The following ILRUN variants were observed in gnomAD, a reference collection of about 807,000 sequenced individuals.
The protein encoded by ILRUN is protein ILRUN.
In ILRUN, 3 loss-of-function variants were observed where a neutral mutation model predicts 33.8. That is an observed-to-expected ratio of 0.09 (90% CI 0.04 to 0.23). The LOEUF is 0.23. ILRUN is among the 10% of genes least tolerant of loss of function. The pLI, the probability that ILRUN is intolerant of heterozygous loss-of-function variation, is 1.00. For missense variants in ILRUN, 210 were observed against 375.1 expected, an observed-to-expected ratio of 0.56 and a Z score of 3.64; for synonymous variants, 124 against 138.9, an observed-to-expected ratio of 0.89 and a Z score of 0.75.
intron 1 of ILRUN, chr6:34,672,077 A>G (rs1763128398): frequency 6.6e-6 from 1 of 151,596 alleles, no homozygotes; most frequent in Non-Finnish European, 1.5e-5. Context: ...GTTACACCCT[A>G]TAGTCATAGT....
At chr6:34,688,945 A>G (rs2814949) in intron 1 of ILRUN, among the ~76,000 whole-genome samples, 70,362 of 151,910 alleles carry the variant, frequency 0.46, 18,113 homozygotes, top group African/African-American at 0.7. Flanking sequence ...TGGGCAACAA[A>G]AGTGAAACTC....
rs186889701 is a variant in ILRUN at position 34,674,617 on chromosome 6, G to A, written c.159-19838C>T. Among the ~76,000 whole-genome samples, 775 of 152,278 alleles carry A rather than the reference G, an allele frequency of 5.1e-3. 5 individuals carry two copies. Among genetic ancestry groups the A allele is most frequent in the African/African-American group, 0.015 (616 of 41,558 alleles). On this transcript the variant is annotated intron_variant, in intron 1 of 4. Transcript: ENST00000374023. ...AGATTGCCTCTGGGGAGTCAAGGAA[G>A]GAAGAAAAAGGTCTAGAACCCCTTG...
At chr6:34,651,960 T>A (rs1562018633) in intron 2 of ILRUN, among the ~76,000 whole-genome samples, 2 of 151,902 alleles carry the variant, frequency 1.3e-5, no homozygotes, top group Admixed American at 1.3e-4. Context: ...GCCCAGCTAA[T>A]TTTTTGTATT....
At chr6:34,658,949 G>A (rs1473903113) in intron 1 of ILRUN, among the ~76,000 whole-genome samples, 2 of 152,260 alleles carry the variant, frequency 1.3e-5, no homozygotes, top group Admixed American at 6.5e-5. Context: ...AATGTTGGCT[G>A]TGAAGATTGC....
At chr6:34,628,732 T>C (rs967036311) in intron 3 of ILRUN, among the ~76,000 whole-genome samples, 4 of 152,182 alleles carry the variant, frequency 2.6e-5, no homozygotes, top group African/African-American at 9.6e-5. Flanking sequence ...CCTGTAATCT[T>C]TGTCTGGTTT....
At chr6:34,677,886 C>CTGCAG (rs1216644015) in intron 1 of ILRUN, among the ~76,000 whole-genome samples, 1 of 144,612 alleles carries the variant, frequency 6.9e-6, no homozygotes, top group Non-Finnish European at 1.5e-5. Flanking sequence ...GAGGTCGAGG[C>CTGCAG]TGCAGTGAGC....
chr6:34,640,439 G>A (rs192619787), intron 3 of ILRUN, among the ~76,000 whole-genome samples: 4 of 152,092 alleles, frequency 2.6e-5, no homozygotes, highest in Non-Finnish European at 4.4e-5. Context: ...TGGGCCGGGC[G>A]CGGTGGCTCA....
At position 34,606,631 on chromosome 6, in the gene ILRUN, T is replaced by C. The variant is rs774265101; in HGVS notation, c.785A>G (p.Asn262Ser). ...ATTTACAGAGTTCTGTGACAGTCTATTCTGGTCTTGCTCAGTTTGGTCAGG... is the reference window on the plus strand; with the variant it reads ...ATTTACAGAGTTCTGTGACAGTCTACTCTGGTCTTGCTCAGTTTGGTCAGG... ...PAPDQTEQDQ[N>S]RLSQNSVNLS... Residue 262 changes from asparagine (N) to serine (S), a missense_variant, in exon 4 of 5, where the codon AAT becomes AGT. This residue lies in a region of ILRUN where 81 missense variants were observed against 97.0 expected (regional missense o/e 0.84). Transcript: ENST00000374023. 2.2e-5 allele frequency: 35 copies of C among 1,614,214 alleles called. No homozygotes were observed. The highest frequency in any genetic ancestry group is 2.8e-5 in the Non-Finnish European group (33 of 1,180,034).
At chr6:34,593,595 G>C (rs1028449602) in intron 4 of ILRUN, among the ~76,000 whole-genome samples, 8 of 152,144 alleles carry the variant, frequency 5.3e-5, no homozygotes, top group Admixed American at 2.0e-4. Flanking sequence ...ATTTACTGAT[G>C]TTCCATGCCT....
intron 1 of ILRUN, among the ~76,000 whole-genome samples, chr6:34,683,822 G>T (rs759578719): frequency 3.9e-5 from 6 of 152,044 alleles, no homozygotes; most frequent in Non-Finnish European, 1.5e-5. Context: ...CAGCACTTTG[G>T]GAGGACAAGG....
In ILRUN at chr6:34,606,754, T is replaced by C; in HGVS notation, c.662A>G (p.Gln221Arg). The C allele has an allele frequency of 3.1e-6, 5 of 1,614,200 alleles. No homozygotes were observed. Among genetic ancestry groups the C allele is most frequent in the Non-Finnish European group, 4.2e-6 (5 of 1,180,028 alleles). The change falls in exon 4 of 5, where the codon CAA becomes CGA. Residue 221 changes from glutamine (Q) to arginine (R), a missense_variant. Around this residue, in one of 4 missense-constraint regions of ILRUN, gnomAD observed 81 missense variants for 97.0 expected, o/e 0.84. Transcript: ENST00000374023. ...NPFASPQKNR[Q>R]SDENNLKDPG... ...GTCTTTTAAGTTGTTTTCATCTGAT[T>C]GTCGGTTCTTTTGGGGAGAGGCAAA...
chr6:34,597,568 T>A (rs1365994508), intron 4 of ILRUN, among the ~76,000 whole-genome samples: 3 of 152,224 alleles, frequency 2.0e-5, no homozygotes, highest in Non-Finnish European at 4.4e-5. Flanking sequence ...ATCTCCCCTG[T>A]GTGTCTTACA....
At chr6:34,637,864 C>CTGTTGT (rs57559266) in intron 3 of ILRUN, among the ~76,000 whole-genome samples, 11,749 of 141,846 alleles carry the variant, frequency 0.083, 531 homozygotes, top group Middle Eastern at 0.12. Context: ...GCTGCTGCTG[C>CTGTTGT]TGTTGTTGTT....
chr6:34,639,120 T>C (rs186866518), intron 3 of ILRUN, among the ~76,000 whole-genome samples: 2 of 152,336 alleles, frequency 1.3e-5, no homozygotes, highest in South Asian at 2.1e-4. Context: ...AAATAAACAG[T>C]GTAGTTTACA....
In ILRUN at chr6:34,653,294, G is replaced by A. The variant is rs796372228; in HGVS notation, c.313+1331C>T. On this transcript the variant is annotated intron_variant, in intron 2 of 4. Transcript: ENST00000374023. The stretch of plus-strand genomic sequence containing the variant: ...CACCCAGCCTGAAGTGCAGTGGCAT[G>A]ATTTCAGCTCACTGCAACCTCCACC... Among the ~76,000 whole-genome samples, 5 of 152,034 alleles carry A rather than the reference G, an allele frequency of 3.3e-5. 1 individual carries two copies. The highest frequency in any genetic ancestry group is 1.2e-4 in the African/African-American group (5 of 41,472).
At chr6:34,640,435 G>A (rs115119270) in intron 3 of ILRUN, among the ~76,000 whole-genome samples, 195 of 152,204 alleles carry the variant, frequency 1.3e-3, no homozygotes, top group African/African-American at 4.3e-3. Flanking sequence ...GGAGTGGGCC[G>A]GGCGCGGTGG....
rs146016071 is a variant in ILRUN, at chr6:34,625,714, G to A, written c.512-18810C>T. ...AGAAATGAAGTACCTTCTCCCAATC[G>A]CCAAACATGAATTTAATTTAGTTAA... is the stretch of plus-strand genomic sequence containing the variant. On this transcript the variant is annotated intron_variant, in intron 3 of 4. Transcript: ENST00000374023. Among the ~76,000 whole-genome samples, 72 of 152,012 alleles carry A rather than the reference G, an allele frequency of 4.7e-4. 1 individual carries two copies. The East Asian group carries it at 0.014, about 29-fold the overall frequency.
chr6:34,600,210 T>A (rs1761479989), intron 4 of ILRUN, among the ~76,000 whole-genome samples: 1 of 152,000 alleles, frequency 6.6e-6, no homozygotes, highest in East Asian at 2.0e-4. Context: ...AGCCCAAAGC[T>A]TTATAAGGGC....
chr6:34,676,765 C>T (rs532069280), intron 1 of ILRUN, among the ~76,000 whole-genome samples: 1 of 145,654 alleles, frequency 6.9e-6, no homozygotes, highest in African/African-American at 2.7e-5. Flanking sequence ...ATCAAGGAAA[C>T]ACAAAATAAA....
Sources: allele counts gnomAD v4.1 joint callset (sites outside exome capture counted in the v4.1 genomes callset), GRCh38; gene constraint gnomAD v4.1.1; regional missense constraint gnomAD v4.1.1; transcripts MANE v1.5; gene names NCBI Gene and HGNC (gene_info 2026-07-23, HGNC 2026-07-21).